ZHX3: variants seen among roughly 807,000 people sequenced by gnomAD.
ZHX3 encodes the protein zinc fingers and homeoboxes 3.
ZHX3 carries 20 observed loss-of-function variants against 64.5 expected under a neutral mutation model. The ratio of observed to expected loss-of-function variants is 0.31; its 90% CI spans 0.22 to 0.45. ZHX3 has a LOEUF of 0.45. Ranked by LOEUF, ZHX3 falls within the 20% of genes least tolerant of loss-of-function variation. ZHX3 has a pLI of 1.00. For missense variants in ZHX3, 1,041 were observed against 1,195.8 expected, an observed-to-expected ratio of 0.87 and a Z score of 1.91; for synonymous variants, 423 against 461.6, an observed-to-expected ratio of 0.92 and a Z score of 1.07.
At chr20:41,265,731 A>C (rs776532510) in intron 2 of ZHX3, among the ~76,000 whole-genome samples, 3 of 152,212 alleles carry the variant, frequency 2.0e-5, no homozygotes, top group Non-Finnish European at 4.4e-5. Context: ...AGAGATGCCC[A>C]CTACTATATA....
At chr20:41,213,571 T>C (rs979325175) in intron 2 of ZHX3, among the ~76,000 whole-genome samples, 1 of 152,066 alleles carries the variant, frequency 6.6e-6, no homozygotes, top group African/African-American at 2.4e-5. Context: ...AAAAAGAGCA[T>C]GAGCACACCA....
In ZHX3 at chr20:41,202,012, C is replaced by T. The variant is rs750319003; in HGVS notation, c.2860+45G>A. On this transcript the variant is annotated intron_variant, in intron 3 of 3. Coordinates refer to ENST00000683867, the MANE Select transcript of ZHX3 (RefSeq NM_001384317.1). The surrounding 1 kb of genome is among the most constrained non-coding windows in gnomAD (Gnocchi z 7.0). ...CAGTGCCCAACCATAAGTGCCTCCT[C>T]CCCTTACCCACACAGGATAGCCATG... 6.6e-7 allele frequency: 1 copy of T among 1,525,808 alleles called. No homozygotes were observed. Among genetic ancestry groups the T allele is most frequent in the East Asian group, 2.3e-5 (1 of 43,948 alleles). 94.5% of individuals were successfully genotyped at this position (1,525,808 alleles called of 1,614,324 possible).
intron 1 of ZHX3, among the ~76,000 whole-genome samples, chr20:41,300,827 G>A (rs1369917788): frequency 6.6e-6 from 1 of 152,172 alleles, no homozygotes; most frequent in Non-Finnish European, 1.5e-5. Flanking sequence ...TAAGGACTTG[G>A]GGACCAGAAA....
At chr20:41,293,853 G>T (rs954836021) in intron 1 of ZHX3, among the ~76,000 whole-genome samples, 1 of 152,198 alleles carries the variant, frequency 6.6e-6, no homozygotes, top group Non-Finnish European at 1.5e-5. Context: ...TCTGCTATGT[G>T]CCAGGCACCA....
At chr20:41,207,588 A>G (rs1325931952) in intron 2 of ZHX3, among the ~76,000 whole-genome samples, 1 of 152,254 alleles carries the variant, frequency 6.6e-6, no homozygotes, top group East Asian at 1.9e-4. Flanking sequence ...CTGCTCCTGA[A>G]TGACTACTGG....
In ZHX3 at chr20:41,228,301, G is replaced by A. The variant is rs1004445489; in HGVS notation, c.-150-23235C>T. On this transcript the variant is annotated intron_variant, in intron 2 of 3. Coordinates refer to ENST00000683867, the MANE Select transcript of ZHX3 (RefSeq NM_001384317.1). This position sits in a 1 kb window ranked among gnomAD's most constrained non-coding sequence, Gnocchi z 4.6. ...ACTACATGCATAAATTTCTGGCTCC[G>A]TTGACCCTGGCACTCACCCTTCCAA... Among the ~76,000 whole-genome samples, 4 of 152,040 alleles carry A rather than the reference G, an allele frequency of 2.6e-5. No homozygotes were observed. The highest frequency in any genetic ancestry group is 4.4e-5 in the Non-Finnish European group (3 of 68,016).
chr20:41,261,971 C>A (rs1342112867), intron 2 of ZHX3, among the ~76,000 whole-genome samples: 1 of 152,188 alleles, frequency 6.6e-6, no homozygotes, highest in African/African-American at 2.4e-5. Context: ...TGCCACTCCC[C>A]AAGTTGGTCA....
intron 2 of ZHX3, among the ~76,000 whole-genome samples, chr20:41,209,784 G>A (rs2039015860): frequency 6.6e-6 from 1 of 152,116 alleles, no homozygotes; most frequent in South Asian, 2.1e-4. Flanking sequence ...CATAGGCATG[G>A]GCAAGGACTT....
At chr20:41,292,553 A>G (rs2044302026) in intron 1 of ZHX3, among the ~76,000 whole-genome samples, 1 of 152,126 alleles carries the variant, frequency 6.6e-6, no homozygotes, top group Non-Finnish European at 1.5e-5. Flanking sequence ...GTGATCACGA[A>G]CTCTCTACTC....
intron 2 of ZHX3, among the ~76,000 whole-genome samples, chr20:41,264,943 GTACC>G (rs1451936836): frequency 2.6e-5 from 4 of 151,984 alleles, no homozygotes; most frequent in Non-Finnish European, 5.9e-5. Context: ...CCCTGATTGA[GTACC>G]TATTTATTGA....
At chr20:41,300,278 A>G (rs918512433) in intron 1 of ZHX3, among the ~76,000 whole-genome samples, 1 of 152,208 alleles carries the variant, frequency 6.6e-6, no homozygotes, top group African/African-American at 2.4e-5. Context: ...TTTTGAAGCA[A>G]TTCAGATTCT....
At chr20:41,303,570 C>A (rs1175407138) in intron 1 of ZHX3, among the ~76,000 whole-genome samples, 1 of 152,170 alleles carries the variant, frequency 6.6e-6, no homozygotes, top group Non-Finnish European at 1.5e-5. Context: ...CAGCCCCTTG[C>A]CTTCTATAGA....
chr20:41,302,767 G>A (rs1184326688), intron 1 of ZHX3, among the ~76,000 whole-genome samples: 1 of 152,264 alleles, frequency 6.6e-6, no homozygotes, highest in Non-Finnish European at 1.5e-5. Flanking sequence ...ACCATGGTTT[G>A]AAGATGGCAG....
At chr20:41,305,011 C>A (rs1419323095) in intron 1 of ZHX3, among the ~76,000 whole-genome samples, 1 of 152,218 alleles carries the variant, frequency 6.6e-6, no homozygotes. Context: ...CATGACTGAA[C>A]AAGGACCATT....
chr20:41,294,908 A>C (rs531434059), intron 1 of ZHX3, among the ~76,000 whole-genome samples: 22 of 149,466 alleles, frequency 1.5e-4, no homozygotes, highest in Non-Finnish European at 3.3e-4. Context: ...TGTTGGCCAG[A>C]CTGGTCTTGA....
chr20:41,190,102 G>A (rs76515276), intron 3 of ZHX3, among the ~76,000 whole-genome samples: 10,846 of 152,202 alleles, frequency 0.071, 413 homozygotes, highest in Middle Eastern at 0.17. Flanking sequence ...CTGTTGATGT[G>A]ATGTATTGCA....
chr20:41,306,110 G>A (rs1015922914), intron 1 of ZHX3, among the ~76,000 whole-genome samples: 2 of 152,084 alleles, frequency 1.3e-5, no homozygotes, highest in Non-Finnish European at 2.9e-5. Context: ...TACCACCTAA[G>A]TAGCTGGTTT....
Position 41,204,998 on chromosome 20 carries a change from G to A in ZHX3, c.-82C>T, listed in dbSNP as rs1028221650. ...ATACAAGTTCCAGCTTCTCGATGAG[G>A]GCCAAAGAAACAGTTTCTAAATGCA... On this transcript the variant is annotated 5_prime_UTR_variant, in exon 3 of 4. Transcript: ENST00000683867. This position sits in a 1 kb window ranked among gnomAD's most constrained non-coding sequence, Gnocchi z 6.6. 1.1e-5 allele frequency: 16 copies of A among 1,418,814 alleles called. No homozygotes were observed. The highest frequency in any genetic ancestry group is 9.2e-5 in the Admixed American group (3 of 32,538). The allele number at this position is 1,418,814 out of a possible 1,614,324, so 87.9% of individuals were successfully genotyped here.
intron 1 of ZHX3, chr20:41,316,954 C>T (rs1370611459): frequency 1.3e-5 from 2 of 152,386 alleles, no homozygotes; most frequent in African/African-American, 4.8e-5. Flanking sequence ...CTACTGTACC[C>T]CGAGTGGTTC....
Sources: gnomAD v4.1 joint callset for allele counts (sites outside exome capture counted in the v4.1 genomes callset) on GRCh38, gnomAD v4.1.1 for gene constraint, Gnocchi (gnomAD v3.1) non-coding constraint, MANE v1.5 for transcripts, NCBI Gene and HGNC (gene_info 2026-07-23, HGNC 2026-07-21) for gene names.